QTRT2: variants seen among roughly 807,000 people sequenced by gnomAD.
The protein encoded by QTRT2 is queuine tRNA-ribosyltransferase accessory subunit 2, also known as queuine tRNA-ribosyltransferase domain containing 1.
In QTRT2, 32 loss-of-function variants were observed where a neutral mutation model predicts 44.8. The ratio of observed to expected loss-of-function variants is 0.71; its 90% CI spans 0.54 to 0.96. The LOEUF (loss-of-function observed/expected upper bound fraction) is 0.96. Among genes scored for constraint, QTRT2 ranks in the 40% least tolerant of loss-of-function variants. The pLI is 0.00. For missense variants in QTRT2, 461 were observed against 503.1 expected (o/e 0.92, Z 0.80); for synonymous variants, 182 against 187.4 (o/e 0.97, Z 0.24).
chr3:114,062,582 G>A (rs1280914162), intron 2 of QTRT2, among the ~76,000 whole-genome samples: 1 of 151,970 alleles, frequency 6.6e-6, no homozygotes, highest in Non-Finnish European at 1.5e-5. Flanking sequence ...AAAGTCTAAT[G>A]GTAATTATAC....
chr3:114,085,889 C>T lies in QTRT2; in HGVS notation c.1233C>T (p.His411=). ...TGGCACAGTTGAAAGAGCTCATCCA[C>T]AGGCAAGCATCTTGAGATCTTGCAA... The part of the protein sequence containing the change: ...DKLAQLKELI[H]RQAS The change falls in exon 10 of 10, where the codon CAC becomes CAT. Residue 411 remains histidine (H), a synonymous_variant. Coordinates refer to ENST00000281273, the MANE Select transcript of QTRT2 (RefSeq NM_024638.4). 4 of 1,613,628 alleles carry T rather than the reference C, an allele frequency of 2.5e-6. No individual in the cohort carries two copies. Among genetic ancestry groups the T allele is most frequent in the Non-Finnish European group, 2.5e-6 (3 of 1,179,536 alleles).
At chr3:114,060,529 T>G (rs956018824) in intron 2 of QTRT2, among the ~76,000 whole-genome samples, 1 of 142,746 alleles carries the variant, frequency 7.0e-6, no homozygotes, top group Middle Eastern at 3.6e-3. Flanking sequence ...GATAGATAGA[T>G]AGATAGATAG....
chr3:114,083,005 T>C, intron 9 of QTRT2: 2 of 526,550 alleles, frequency 3.8e-6, no homozygotes, highest in Admixed American at 3.0e-5. Flanking sequence ...TGGAGCCAGG[T>C]AATGATTGCT....
chr3:114,072,069 G>C (rs1287932744), intron 6 of QTRT2, among the ~76,000 whole-genome samples: 1 of 152,028 alleles, frequency 6.6e-6, no homozygotes, highest in Non-Finnish European at 1.5e-5. Context: ...ACTGTTTCTT[G>C]TTTCTGCTTT....
chr3:114,063,444 T>G lies in QTRT2; in HGVS notation c.-21-1793T>G, dbSNP rs550217336. The stretch of plus-strand genomic sequence containing the variant: ...CAGTTTTCTTAAATGAACCTTCTTG[T>G]TTTAGCAGTTTTAATGTGTAACAAT... On this transcript the variant is annotated intron_variant, in intron 2 of 9. Transcript: ENST00000281273. 3.5e-4 allele frequency among the ~76,000 whole-genome samples: 54 copies of G among 152,318 alleles called. 1 individual carries two copies. Among genetic ancestry groups the G allele is most frequent in the African/African-American group, 1.1e-3 (44 of 41,590 alleles).
At chr3:114,072,973 C>T (rs934294932) in intron 6 of QTRT2, among the ~76,000 whole-genome samples, 4 of 152,044 alleles carry the variant, frequency 2.6e-5, no homozygotes, top group Non-Finnish European at 4.4e-5. Flanking sequence ...TAATCCTGAG[C>T]GATGATCACA....
At chr3:114,078,340 G>T (rs2077120175) in intron 7 of QTRT2, 1 of 151,964 alleles carries the variant, frequency 6.6e-6, no homozygotes, top group South Asian at 2.1e-4. Flanking sequence ...GCCAGCTTCA[G>T]TTGGATAGGA....
chr3:114,080,658 C>G (rs1310332495), intron 8 of QTRT2, among the ~76,000 whole-genome samples: 18 of 152,170 alleles, frequency 1.2e-4, no homozygotes, highest in Admixed American at 1.1e-3. Flanking sequence ...AGACTTTGGG[C>G]TGGAGTTGCT....
In QTRT2 at chr3:114,076,862, T is replaced by C. The variant is rs1257964161; in HGVS notation, c.666T>C (p.Phe222=). The C allele has an allele frequency of 4.3e-6, 7 of 1,614,208 alleles. No individual in the cohort carries two copies. The highest frequency in any genetic ancestry group is 1.6e-4 in the Middle Eastern group (1 of 6,062). The change falls in exon 7 of 10, where the codon TTT becomes TTC. Residue 222 remains phenylalanine (F), a synonymous_variant. Transcript: ENST00000281273. ...TGGGTGGCTTCCTTCTGGATGGTTT[T>C]CAAGGAAATCCAACAACCCTGGAGG... ...RPVGGFLLDG[F]QGNPTTLEAR... is the part of the protein sequence containing the mutation.
chr3:114,075,760 C>T (rs183412840), intron 6 of QTRT2, among the ~76,000 whole-genome samples: 240 of 152,110 alleles, frequency 1.6e-3, no homozygotes, highest in Non-Finnish European at 1.5e-3. Flanking sequence ...CCACCTGCCT[C>T]GGCCTCCTGC....
At chr3:114,080,448 CAGGGAGACTCATGAT>C (rs2077152742) in intron 8 of QTRT2, among the ~76,000 whole-genome samples, 1 of 152,106 alleles carries the variant, frequency 6.6e-6, no homozygotes, top group African/African-American at 2.4e-5. Context: ...TATTAAAATA[CAGGGAGACTCATGAT>C]CCTCTGATCC....
chr3:114,080,057 C>A lies in QTRT2; in HGVS notation c.898C>A (p.Leu300Ile). The A allele has an allele frequency of 1.3e-6, 2 of 1,590,540 alleles. No homozygotes were observed. The highest frequency in any genetic ancestry group is 1.7e-6 in the Non-Finnish European group (2 of 1,170,394). The change falls in exon 8 of 10, where the codon CTA becomes ATA. Residue 300 changes from leucine to isoleucine, a missense_variant and splice_region_variant. By Grantham distance (5) the Leu-to-Ile change is conservative (BLOSUM62 2). Transcript: ENST00000281273. ...TTACCAGCCGAATCCTGAAGAGACA[C>A]GTAAGTCTTTTGAAGTTTATCTCTT... ...FDYQPNPEET[L>I]LQQNGTQEEI...
At chr3:114,066,508 T>G in intron 4 of QTRT2, 1 of 513,892 alleles carries the variant, frequency 1.9e-6, no homozygotes, top group South Asian at 2.3e-5. Flanking sequence ...AGAATTCTAG[T>G]AAAAATTGTG....
intron 2 of QTRT2, among the ~76,000 whole-genome samples, chr3:114,061,920 G>A (rs1327678688): frequency 1.3e-5 from 2 of 150,458 alleles, no homozygotes; most frequent in Non-Finnish European, 1.5e-5. Context: ...GTGTTCTAGG[G>A]GAAAAAAACA....
At chr3:114,082,498 C>T (rs1479672470) in intron 8 of QTRT2, 179 bp from the exon 9 acceptor site, 12 of 391,038 alleles carry the variant, frequency 3.1e-5, no homozygotes, top group African/African-American at 8.3e-5. Flanking sequence ...GATAAGAGGA[C>T]GGTGACAGTC....
chr3:114,083,673 T>TGATAGTAC (rs2077197614), intron 9 of QTRT2, among the ~76,000 whole-genome samples: 1 of 152,172 alleles, frequency 6.6e-6, no homozygotes, highest in South Asian at 2.1e-4. Flanking sequence ...GTCTATCTAG[T>TGATAGTAC]GATAGTACAG....
At position 114,086,915 on chromosome 3, in the gene QTRT2, G is replaced by A. The variant is rs2077243579; in HGVS notation, c.*1011G>A. The A allele has an allele frequency of 6.6e-6, 1 of 152,224 alleles. No homozygotes were observed. The allele number at this position is 152,224 out of a possible 1,614,324, so 9.4% of individuals were successfully genotyped here. A position where few individuals can be genotyped will look rare whatever the true frequency, so the allele number is the denominator to read the frequency against. On this transcript the variant is annotated 3_prime_UTR_variant, in exon 10 of 10. Coordinates refer to ENST00000281273, the MANE Select transcript of QTRT2 (RefSeq NM_024638.4). ...GAAGAACAAAAAGTTTTAGATTAGA[G>A]TCATAGCCTTAATAGCCCTAGTTGT... is the stretch of plus-strand genomic sequence containing the variant.
Position 114,057,020 on chromosome 3 carries a change from C to T in QTRT2, c.-108C>T, listed in dbSNP as rs2076802314. 2.1e-6 allele frequency: 3 copies of T among 1,415,492 alleles called. No individual in the cohort carries two copies. Among genetic ancestry groups the T allele is most frequent in the African/African-American group, 1.4e-5 (1 of 68,992 alleles). The allele number at this position is 1,415,492 out of a possible 1,614,324, so 87.7% of individuals were successfully genotyped here. On this transcript the variant is annotated 5_prime_UTR_variant, in exon 2 of 10. Transcript: ENST00000281273. ...TCAGGGTGTCCTGGTGGATTGGTTT[C>T]TGTAAGTTCAGATTCTCATAAATCG...
chr3:114,066,125 C>A, intron 3 of QTRT2, 103 bp from the exon 4 acceptor site: 1 of 772,936 alleles, frequency 1.3e-6, no homozygotes. Flanking sequence ...CAGCATTTAC[C>A]ATGATGTAAC....
Sources: gnomAD v4.1 joint callset for allele counts (sites outside exome capture counted in the v4.1 genomes callset) on GRCh38, gnomAD v4.1.1 for gene constraint, MANE v1.5 for transcripts, NCBI Gene and HGNC (gene_info 2026-07-23, HGNC 2026-07-21) for gene names.